Variants in ERCC6 observed in about 807,000 individuals in gnomAD.
ERCC6 encodes the protein ERCC excision repair 6, chromatin remodeling factor.
Under a neutral mutation model 158.7 loss-of-function variants are expected in ERCC6, and 116 were observed. That is an observed-to-expected ratio of 0.73 (90% confidence interval 0.63 to 0.85). ERCC6 has a LOEUF of 0.85. Among genes scored for constraint, ERCC6 ranks in the 40% least tolerant of loss-of-function variants. The probability of loss-of-function intolerance (pLI) is 0.00; values close to 1 mark genes in which losing one functional copy is unlikely to be tolerated. For missense variants in ERCC6, 1,698 were observed against 1,799.4 expected (o/e 0.94, Z 1.02); for synonymous variants, 678 against 659.3 (o/e 1.03, Z -0.43).
At chr10:49,482,183 TC>T in intron 10 of ERCC6, among the ~76,000 whole-genome samples, 1 of 152,288 alleles carries the variant, frequency 6.6e-6, no homozygotes, top group South Asian at 2.1e-4. Flanking sequence ...GCCCTCACTC[TC>T]CATGGCCTAC....
intron 5 of ERCC6, among the ~76,000 whole-genome samples, chr10:49,511,396 AAAGT>A (rs1022770169): frequency 5.3e-5 from 8 of 151,508 alleles, no homozygotes; most frequent in African/African-American, 1.5e-4. Flanking sequence ...GCACCCAAAT[AAAGT>A]AAGTGTGTTG....
intron 1 of ERCC6, among the ~76,000 whole-genome samples, chr10:49,535,988 T>C (rs564794025): frequency 1.8e-4 from 27 of 152,270 alleles, no homozygotes; most frequent in Admixed American, 8.5e-4. Flanking sequence ...TGGTGGTGCA[T>C]GCCTGTAATC....
At chr10:49,446,014 C>A in the ERCC6 span, among the ~76,000 whole-genome samples, 1 of 152,128 alleles carries the variant, frequency 6.6e-6, no homozygotes, top group East Asian at 1.9e-4. Flanking sequence ...TCTCACCCCA[C>A]CTCTACACTC....
chr10:49,470,792 G>T lies in ERCC6; in HGVS notation c.3168C>A (p.Phe1056Leu), dbSNP rs935035148. The change falls in exon 18 of 21, where the codon TTC (phenylalanine) becomes TTA (leucine). Residue 1056 changes from phenylalanine to leucine, a missense_variant. Phe to Leu is a conservative substitution (Grantham distance 22, BLOSUM62 0). Transcript: ENST00000355832. ...CATTTACAGATATGTTAGAAGCAGG[G>T]AACTTCTTGCGTTTTGGAACATCAT... ...ADHDVPKRKKFPASNISVNDA... is the reference protein window; with the variant it reads ...ADHDVPKRKKLPASNISVNDA... 41 of 1,614,018 alleles carry T rather than the reference G, an allele frequency of 2.5e-5. No individual in the cohort carries two copies. Among genetic ancestry groups the T allele is most frequent in the Non-Finnish European group, 3.5e-5 (41 of 1,180,042 alleles).
chr10:49,493,289 A>C, intron 7 of ERCC6, 37 bp from the exon 8 acceptor site: 1 of 1,613,568 alleles, frequency 6.2e-7, no homozygotes, highest in Non-Finnish European at 8.5e-7. Flanking sequence ...CAACCATGAA[A>C]GAGCATATAC....
rs4253046 is a variant in ERCC6 at position 49,524,156 on chromosome 10, T to G, written c.1274A>C (p.Asp425Ala). 4,445 of 1,614,094 alleles carry G rather than the reference T, an allele frequency of 2.8e-3. 14 individuals carry two copies. Among genetic ancestry groups the G allele is most frequent in the Middle Eastern group, 4.0e-3 (24 of 6,062 alleles). ...TTCTTCCCCAGAACTTGGGAAAAAG[T>G]CATCATCAATCTCCTGCACTGGCAC... ...KKVPVQEIDD[D>A]FFPSSGEEAE... The change falls in exon 5 of 21, where the codon GAC becomes GCC. Residue 425 changes from aspartate (D) to alanine (A), a missense_variant. By Grantham distance (126) the Asp-to-Ala change is moderately radical. Coordinates refer to ENST00000355832, the MANE Select transcript of ERCC6 (RefSeq NM_000124.4).
At chr10:49,446,738 T>C in the ERCC6 span, among the ~76,000 whole-genome samples, 1 of 152,158 alleles carries the variant, frequency 6.6e-6, no homozygotes, top group Non-Finnish European at 1.5e-5. Flanking sequence ...TGGTCAAAAG[T>C]TTGCAGTGAG....
At chr10:49,450,572 C>G (rs1384616212), downstream of ERCC6, among the ~76,000 whole-genome samples, 1 of 152,164 alleles carries the variant, frequency 6.6e-6, no homozygotes, top group African/African-American at 2.4e-5. Flanking sequence ...TATGCTGAAT[C>G]TGCAGACAAG....
intron 5 of ERCC6, among the ~76,000 whole-genome samples, chr10:49,512,076 G>A (rs994059004): frequency 6.6e-6 from 1 of 152,108 alleles, no homozygotes; most frequent in African/African-American, 2.4e-5. Context: ...TTAATTAATT[G>A]CAGGTTAAAT....
intron 6 of ERCC6, chr10:49,505,428 C>T (rs1252612688): frequency 6.5e-6 from 1 of 153,716 alleles, no homozygotes; most frequent in Non-Finnish European, 1.4e-5. Flanking sequence ...AAATATTATA[C>T]CCTCAGGTAC....
At chr10:49,533,282 A>G (rs1481090966) in intron 1 of ERCC6, among the ~76,000 whole-genome samples, 1 of 152,242 alleles carries the variant, frequency 6.6e-6, no homozygotes, top group Admixed American at 6.5e-5. Flanking sequence ...ATATTCTTCA[A>G]AACAGCTGAA....
At chr10:49,508,125 G>A (rs1488850513) in intron 5 of ERCC6, among the ~76,000 whole-genome samples, 1 of 152,126 alleles carries the variant, frequency 6.6e-6, no homozygotes. Context: ...CAAACTTGTG[G>A]ATAACATAAA....
chr10:49,504,698 A>G (rs1485381188), intron 6 of ERCC6: 1 of 152,168 alleles, frequency 6.6e-6, no homozygotes, highest in African/African-American at 2.4e-5. Flanking sequence ...TTACCTTTCC[A>G]TAGTTAATTC....
rs759996832 is a variant in ERCC6 at position 49,460,425 on chromosome 10, G to C, written c.4010C>G (p.Ser1337Cys). The C allele has an allele frequency of 6.2e-6, 10 of 1,613,352 alleles. No homozygotes were observed. Among genetic ancestry groups the C allele is most frequent in the South Asian group, 4.4e-5 (4 of 91,074 alleles). The change falls in exon 20 of 21, where the codon TCT becomes TGT. Residue 1337 changes from serine (S) to cysteine (C), a missense_variant. Transcript: ENST00000355832. Reference protein sequence around the residue: ...KKSRFGKKRNSNFSVQHPSST... With the variant: ...KKSRFGKKRNCNFSVQHPSST... ...TGAAGGATGCTGCACAGAGAAGTTA[G>C]AATTCCTTTTCTTACCAAATCTACT... is the stretch of plus-strand genomic sequence containing the variant.
chr10:49,473,413 G>A lies in ERCC6; in HGVS notation c.2709+64C>T, dbSNP rs532443504. 395 of 1,071,946 alleles carry A rather than the reference G, an allele frequency of 3.7e-4. 3 individuals carry two copies. The South Asian group carries it at 4.3e-3, about 12-fold the overall frequency. The allele number at this position is 1,071,946 out of a possible 1,614,324, so 66.4% of individuals were successfully genotyped here. ...CTTTGGTGGGTAAGGGTGTGGATAC[G>A]CTTAGTCCTTTCCCTCCACGTACAG... is the stretch of plus-strand genomic sequence containing the variant. On this transcript the variant is annotated intron_variant, in intron 14 of 20. Coordinates refer to ENST00000355832, the MANE Select transcript of ERCC6 (RefSeq NM_000124.4).
At chr10:49,522,510 T>A (rs1837194454) in intron 5 of ERCC6, among the ~76,000 whole-genome samples, 1 of 152,226 alleles carries the variant, frequency 6.6e-6, no homozygotes, top group Non-Finnish European at 1.5e-5. Flanking sequence ...AAATATTGGC[T>A]CTGGAAATAA....
chr10:49,478,509 T>C (rs780575521), intron 10 of ERCC6, 39 bp from the exon 11 acceptor site: 1 of 1,228,738 alleles, frequency 8.1e-7, no homozygotes, highest in Non-Finnish European at 1.2e-6. Context: ...ACTATATATG[T>C]TTAAGGAACG....
At chr10:49,499,175 TC>T (rs1447611185) in intron 7 of ERCC6, among the ~76,000 whole-genome samples, 1 of 152,162 alleles carries the variant, frequency 6.6e-6, no homozygotes, top group Non-Finnish European at 1.5e-5. Context: ...TTTGAAAAAA[TC>T]CCCTGCTTCA....
chr10:49,473,613 T>G lies in ERCC6; in HGVS notation c.2599-26A>C, dbSNP rs4253196. ...CTGTTTGGAGGTGGGGGATAGGAGT[T>G]TGCAAAGCAAATACACATTCCCAGT... On this transcript the variant is annotated intron_variant, in intron 13 of 20. Coordinates refer to ENST00000355832, the MANE Select transcript of ERCC6 (RefSeq NM_000124.4). 7.4e-6 allele frequency: 10 copies of G among 1,344,156 alleles called. No homozygotes were observed. Among genetic ancestry groups the G allele is most frequent in the African/African-American group, 2.9e-5 (2 of 69,506 alleles). 83.3% of individuals were successfully genotyped at this position (1,344,156 alleles called of 1,614,324 possible).
Sources: gnomAD v4.1 joint callset for allele counts (sites outside exome capture counted in the v4.1 genomes callset) on GRCh38, gnomAD v4.1.1 for gene constraint, MANE v1.5 for transcripts, NCBI Gene and HGNC (gene_info 2026-07-23, HGNC 2026-07-21) for gene names.